DNAH8: variants seen among roughly 807,000 people sequenced by gnomAD.
The protein encoded by DNAH8 is axonemal beta dynein heavy chain 8.
DNAH8 carries 382 observed loss-of-function variants against 562.1 expected under a neutral mutation model. The ratio of observed to expected loss-of-function variants is 0.68; its 90% CI spans 0.63 to 0.74. DNAH8 has a LOEUF of 0.74. DNAH8 is among the 30% of genes least tolerant of loss of function. The pLI, the probability that DNAH8 is intolerant of heterozygous loss-of-function variation, is 0.00. For synonymous variants in DNAH8, 1,881 were observed against 1,919.4 expected, an observed-to-expected ratio of 0.98 and a Z score of 0.52; for missense variants, 5,203 against 5,620.4, an observed-to-expected ratio of 0.93 and a Z score of 2.37.
intron 8 of DNAH8, among the ~76,000 whole-genome samples, chr6:38,747,565 T>C (rs1765061452): frequency 6.6e-6 from 1 of 152,108 alleles, no homozygotes; most frequent in Non-Finnish European, 1.5e-5. Context: ...TTTTGTATGT[T>C]TAGTAGAGAC....
rs187094654 is a variant in DNAH8, at chr6:38,852,844, A to G, written c.5571+46A>G. ...TTTTTTTATTAGAATTTCTTTAAAA[A>G]CTTAGGTTGAGGAGAATACAGTTCT... On this transcript the variant is annotated intron_variant, in intron 40 of 92. Transcript: ENST00000327475. The G allele has an allele frequency of 2.7e-6, 4 of 1,455,442 alleles. No homozygotes were observed. In the African/African-American group the frequency reaches 4.3e-5, roughly 16 times the overall value. 90.2% of individuals were successfully genotyped at this position (1,455,442 alleles called of 1,614,324 possible). A position where few individuals can be genotyped will look rare whatever the true frequency, so the allele number is the denominator to read the frequency against.
At chr6:39,026,280 A>G (rs1485085398) in intron 91 of DNAH8, among the ~76,000 whole-genome samples, 1 of 152,192 alleles carries the variant, frequency 6.6e-6, no homozygotes, top group Non-Finnish European at 1.5e-5. Flanking sequence ...CTGAAATCTC[A>G]GGAGAGTTTC....
Position 38,894,881 on chromosome 6 carries a change from TAG to T in DNAH8, c.8747+20_8747+21del. 5 of 1,606,912 alleles carry T rather than the reference TAG, an allele frequency of 3.1e-6. No homozygotes were observed. Among genetic ancestry groups the T allele is most frequent in the Non-Finnish European group, 4.2e-6 (5 of 1,177,386 alleles). On this transcript the variant is annotated intron_variant, in intron 59 of 92. Coordinates refer to ENST00000327475, the MANE Select transcript of DNAH8 (RefSeq NM_001206927.2). ...TGCAGACAGGTGCGTGTTGCGGCAC[TAG>T]AGTTTAAATGTATGACCTGAGAAGT...
chr6:38,720,878 G>T (rs1293957372), intron 1 of DNAH8, among the ~76,000 whole-genome samples: 1 of 151,922 alleles, frequency 6.6e-6, no homozygotes, highest in Non-Finnish European at 1.5e-5. Flanking sequence ...ATCAGAGAAG[G>T]TTAACAAAGA....
At chr6:38,945,229 A>G (rs1247784232) in intron 79 of DNAH8, among the ~76,000 whole-genome samples, 2 of 152,248 alleles carry the variant, frequency 1.3e-5, no homozygotes, top group East Asian at 1.9e-4. Context: ...AATTCTTTGC[A>G]GGGAAAAATG....
In DNAH8 at chr6:38,883,903, C is replaced by T. The variant is rs367911257; in HGVS notation, c.8164C>T (p.Arg2722Ter). Residue 2722 changes from arginine to a stop codon, truncating the protein, a stop_gained, in exon 56 of 93, where the codon CGA (arginine) becomes TGA (stop). Transcript: ENST00000327475. LOFTEE classifies it high-confidence loss of function. Reference sequence around the variant, plus strand: ...AACAATTGAAAGCTACGTGGATAAGCGAATTGGAAGCACATATGGGCCACC... The same window carrying T: ...AACAATTGAAAGCTACGTGGATAAGTGAATTGGAAGCACATATGGGCCACC... The part of the protein sequence containing the change: ...QRTIESYVDK[R>*]IGSTYGPPGG... The T allele has an allele frequency of 3.8e-6, 6 of 1,584,428 alleles. No homozygotes were observed. The African/African-American group carries it at 4.1e-5, about 11-fold the overall frequency.
At chr6:39,028,367 G>A (rs1480961656) in intron 92 of DNAH8, among the ~76,000 whole-genome samples, 1 of 152,200 alleles carries the variant, frequency 6.6e-6, no homozygotes, top group Non-Finnish European at 1.5e-5. Context: ...GGTTTCTACT[G>A]GAGGCCCCAA....
rs761361186 is a variant in DNAH8 at position 38,850,273 on chromosome 6, T to C, written c.5222T>C (p.Ile1741Thr). 9 of 1,613,272 alleles carry C rather than the reference T, an allele frequency of 5.6e-6. 1 individual carries two copies. The Middle Eastern group carries it at 1.3e-3, about 236-fold the overall frequency. The change falls in exon 38 of 93, where the codon ATT becomes ACT. Residue 1741 changes from isoleucine to threonine, a missense_variant. Ile to Thr is a moderately conservative substitution (Grantham distance 89). Around this residue, in one of 6 missense-constraint regions of DNAH8, gnomAD observed 2,176 missense variants for 2,365.1 expected, o/e 0.92. Coordinates refer to ENST00000327475, the MANE Select transcript of DNAH8 (RefSeq NM_001206927.2). ...LPQEAKRFQN[I>T]DKSWIKIMQR... is the part of the protein sequence containing the mutation. ...CAGGAAGCAAAACGTTTTCAGAATA[T>C]TGACAAGTCTTGGATAAAAATAATG...
intron 24 of DNAH8, among the ~76,000 whole-genome samples, chr6:38,812,882 G>A (rs1448351054): frequency 6.6e-6 from 1 of 152,054 alleles, no homozygotes; most frequent in Non-Finnish European, 1.5e-5. Context: ...TCCCTACCTT[G>A]GTTTCCTTAT....
Position 38,826,302 on chromosome 6 carries a change from G to T in DNAH8, c.3994G>T (p.Asp1332Tyr). 1 of 1,613,462 alleles carries T rather than the reference G, an allele frequency of 6.2e-7. No individual in the cohort carries two copies. The highest frequency in any genetic ancestry group is 1.1e-5 in the South Asian group (1 of 90,944). ...YLKKLSRPIR[D>Y]LDDVRFAMEA... is the part of the protein sequence containing the mutation. Reference sequence around the variant, plus strand: ...GAAAAAGTTATCTAGACCTATTCGTGATTTAGATGATGTCAGATTTGCAAT... The same window carrying T: ...GAAAAAGTTATCTAGACCTATTCGTTATTTAGATGATGTCAGATTTGCAAT... The change falls in exon 29 of 93, where the codon GAT (aspartate) becomes TAT (tyrosine). Residue 1332 changes from aspartate (D) to tyrosine (Y), a missense_variant. By Grantham distance (160) the Asp-to-Tyr change is radical. Transcript: ENST00000327475.
At chr6:38,852,643 C>T (rs1000916916) in intron 39 of DNAH8, 51 bp from the exon 40 acceptor site, 7 of 1,307,676 alleles carry the variant, frequency 5.4e-6, no homozygotes, top group Non-Finnish European at 7.6e-6. Context: ...AAAAACATCT[C>T]AGCGGCTTTT....
chr6:38,717,552 T>G (rs544447068), intron 1 of DNAH8, among the ~76,000 whole-genome samples: 1 of 151,768 alleles, frequency 6.6e-6, no homozygotes, highest in African/African-American at 2.4e-5. Context: ...CTCAAACTCC[T>G]GAGCTTGAGC....
At chr6:38,805,375 G>A (rs1771172188) in intron 22 of DNAH8, 106 bp from the exon 23 acceptor site, 2 of 692,708 alleles carry the variant, frequency 2.9e-6, no homozygotes, top group Non-Finnish European at 5.1e-6. Flanking sequence ...AGTTTTAAAA[G>A]TAAGAGCTTT....
chr6:38,793,613 T>A (rs1188993399), intron 21 of DNAH8, among the ~76,000 whole-genome samples: 1 of 152,172 alleles, frequency 6.6e-6, no homozygotes, highest in Non-Finnish European at 1.5e-5. Context: ...AAACTGGTAA[T>A]TTTGACCTAT....
intron 82 of DNAH8, among the ~76,000 whole-genome samples, chr6:38,965,151 T>C (rs1279222243): frequency 6.6e-6 from 1 of 151,956 alleles, no homozygotes; most frequent in Non-Finnish European, 1.5e-5. Context: ...TACATTTTAA[T>C]ATAGATAGGT....
rs187030227 is a variant in DNAH8 at position 38,898,484 on chromosome 6, G to A, written c.9063+104G>A. 17 of 962,448 alleles carry A rather than the reference G, an allele frequency of 1.8e-5. No homozygotes were observed. The African/African-American group carries it at 1.9e-4, about 11-fold the overall frequency. The allele number at this position is 962,448 out of a possible 1,614,324, so 59.6% of individuals were successfully genotyped here. On this transcript the variant is annotated intron_variant, in intron 61 of 92. Coordinates refer to ENST00000327475, the MANE Select transcript of DNAH8 (RefSeq NM_001206927.2). ...GAATAACTATATACTATCAGGTACC[G>A]TATAGAAGACTGTACATAGGTTGGG...
chr6:38,831,621 T>C (rs1773845139), intron 30 of DNAH8, among the ~76,000 whole-genome samples: 1 of 152,106 alleles, frequency 6.6e-6, no homozygotes, highest in Admixed American at 6.5e-5. Context: ...GAGCAGTTAA[T>C]AGCAGGGGCC....
At chr6:38,903,407 T>C in intron 62 of DNAH8, among the ~76,000 whole-genome samples, 2 of 151,922 alleles carry the variant, frequency 1.3e-5, no homozygotes, top group East Asian at 3.9e-4. Context: ...AGATCTTATA[T>C]GAACTCAGAG....
At chr6:38,940,931 C>T (rs78203672) in intron 79 of DNAH8, among the ~76,000 whole-genome samples, 5 of 151,570 alleles carry the variant, frequency 3.3e-5, no homozygotes, top group Admixed American at 2.6e-4. Context: ...TCCTGGTCAC[C>T]GGTTTAGGTG....
Sources: allele counts gnomAD v4.1 joint callset (sites outside exome capture counted in the v4.1 genomes callset), GRCh38; gene constraint gnomAD v4.1.1; regional missense constraint gnomAD v4.1.1; transcripts MANE v1.5; gene names NCBI Gene and HGNC (gene_info 2026-07-23, HGNC 2026-07-21).